Variants in TBC1D5 observed in about 807,000 individuals in gnomAD.
TBC1D5 encodes the protein TBC1 domain family, member 5.
Under a neutral mutation model 100.3 loss-of-function variants are expected in TBC1D5, and 75 were observed. The ratio of observed to expected loss-of-function variants is 0.75; its 90% CI spans 0.62 to 0.91. The LOEUF (loss-of-function observed/expected upper bound fraction) is 0.91, where lower values mean the gene tolerates loss of function less well. TBC1D5 is among the 40% of genes least tolerant of loss of function. The pLI is 0.00. For missense variants in TBC1D5, 910 were observed against 942.4 expected (o/e 0.97, Z 0.45); for synonymous variants, 323 against 325.6 (o/e 0.99, Z 0.09).
intron 13 of TBC1D5, among the ~76,000 whole-genome samples, chr3:17,315,837 T>C (rs1026577966): frequency 6.6e-5 from 10 of 152,104 alleles, no homozygotes; most frequent in Non-Finnish European, 1.5e-4. Flanking sequence ...GATAAAGCTT[T>C]ACGGTGTGGG....
At chr3:17,371,521 C>A (rs1214411366) in intron 13 of TBC1D5, among the ~76,000 whole-genome samples, 1 of 152,044 alleles carries the variant, frequency 6.6e-6, no homozygotes, top group East Asian at 1.9e-4. Flanking sequence ...TAAACCTGAG[C>A]CTTAACTTCT....
At chr3:17,676,281 T>C (rs2068620639) in intron 1 of TBC1D5, among the ~76,000 whole-genome samples, 1 of 151,976 alleles carries the variant, frequency 6.6e-6, no homozygotes, top group Non-Finnish European at 1.5e-5. Flanking sequence ...TTTTCATTCA[T>C]CTAAGAAATA....
At chr3:17,536,373 T>A (rs1261100762) in intron 2 of TBC1D5, among the ~76,000 whole-genome samples, 2 of 152,158 alleles carry the variant, frequency 1.3e-5, no homozygotes, top group African/African-American at 4.8e-5. Context: ...CATTTAAAAA[T>A]TTTTTTATTG....
intron 14 of TBC1D5, among the ~76,000 whole-genome samples, chr3:17,303,712 G>C (rs149103610): frequency 6.6e-6 from 1 of 151,644 alleles, no homozygotes; most frequent in South Asian, 2.1e-4. Flanking sequence ...TCTTTTCCTG[G>C]CTGTGCTTCC....
chr3:17,291,836 C>T lies in TBC1D5; in HGVS notation c.1245+59G>A, dbSNP rs2081776338. On this transcript the variant is annotated intron_variant, in intron 15 of 21. Transcript: ENST00000253692. Reference sequence around the variant, plus strand: ...ACATTTGGAATTCTTAGACTCTACACAGAGAAGCCTATTTTTCACCCAACT... The same window carrying T: ...ACATTTGGAATTCTTAGACTCTACATAGAGAAGCCTATTTTTCACCCAACT... The T allele has an allele frequency of 3.4e-6, 5 of 1,461,566 alleles. No homozygotes were observed. The African/African-American group carries it at 5.6e-5, about 16-fold the overall frequency. 90.5% of individuals were successfully genotyped at this position (1,461,566 alleles called of 1,614,324 possible).
intron 16 of TBC1D5, among the ~76,000 whole-genome samples, chr3:17,256,576 T>C (rs1323939814): frequency 6.6e-6 from 1 of 151,794 alleles, no homozygotes; most frequent in Non-Finnish European, 1.5e-5. Flanking sequence ...ATGGGTACAA[T>C]ACATTTCCTG....
intron 13 of TBC1D5, among the ~76,000 whole-genome samples, chr3:17,366,500 A>G (rs2092136699): frequency 6.6e-6 from 1 of 152,252 alleles, no homozygotes; most frequent in African/African-American, 2.4e-5. Flanking sequence ...GAAAAATAAT[A>G]ATTCTGGGAA....
intron 3 of TBC1D5, among the ~76,000 whole-genome samples, chr3:17,503,322 C>A (rs886391337): frequency 1.5e-4 from 22 of 149,534 alleles, no homozygotes; most frequent in Non-Finnish European, 1.5e-5. Context: ...CTTGATCCAC[C>A]ATTACCACAG....
intron 13 of TBC1D5, among the ~76,000 whole-genome samples, chr3:17,324,654 G>C (rs184854090): frequency 1.3e-5 from 2 of 151,852 alleles, no homozygotes; most frequent in African/African-American, 4.8e-5. Flanking sequence ...AAAAAAAAAT[G>C]AAAATGAAAA....
intron 2 of TBC1D5, among the ~76,000 whole-genome samples, chr3:17,608,891 A>C (rs1212170834): frequency 3.3e-5 from 5 of 152,222 alleles, no homozygotes; most frequent in African/African-American, 1.2e-4. Context: ...TTTACTTAAG[A>C]GTATCACTTT....
At chr3:17,222,994 G>C (rs2074453209) in intron 17 of TBC1D5, among the ~76,000 whole-genome samples, 1 of 151,924 alleles carries the variant, frequency 6.6e-6, no homozygotes, top group Non-Finnish European at 1.5e-5. Context: ...ATCGTAAGCA[G>C]TTATAGCTAT....
At position 17,493,825 on chromosome 3, in the gene TBC1D5, G is replaced by A. The variant is rs534032823; in HGVS notation, c.97+14649C>T. Among the ~76,000 whole-genome samples, 13 of 152,224 alleles carry A rather than the reference G, an allele frequency of 8.5e-5. No homozygotes were observed. In the East Asian group the frequency reaches 2.5e-3, roughly 29 times the overall value. On this transcript the variant is annotated intron_variant, in intron 3 of 21. Transcript: ENST00000253692. ...CTGGCTATTTTGGTTAACAACTCCT[G>A]TAATATTTTATCATAGTTCTTAGCT...
At chr3:17,698,709 C>T (rs1258437396) in intron 1 of TBC1D5, among the ~76,000 whole-genome samples, 5 of 150,010 alleles carry the variant, frequency 3.3e-5, no homozygotes, top group Admixed American at 6.7e-5. Context: ...AAAAAACAAA[C>T]AACCCCATCA....
chr3:17,268,765 C>T (rs913926502), intron 15 of TBC1D5, among the ~76,000 whole-genome samples: 1 of 152,120 alleles, frequency 6.6e-6, no homozygotes, highest in Non-Finnish European at 1.5e-5. Flanking sequence ...AAATTTTTCC[C>T]ATCCAACTTC....
intron 15 of TBC1D5, among the ~76,000 whole-genome samples, chr3:17,282,073 A>G (rs1469525315): frequency 1.3e-5 from 2 of 152,242 alleles, no homozygotes; most frequent in Non-Finnish European, 2.9e-5. Context: ...CAGCACTTAA[A>G]GCTGGAAATG....
intron 2 of TBC1D5, chr3:17,561,893 G>C (rs538433753): frequency 6.6e-6 from 1 of 152,144 alleles, no homozygotes; most frequent in Non-Finnish European, 1.5e-5. Context: ...TTAAAGATTA[G>C]AAAGTCTATT....
At chr3:17,557,634 T>C (rs1300379180) in intron 2 of TBC1D5, among the ~76,000 whole-genome samples, 2 of 152,230 alleles carry the variant, frequency 1.3e-5, no homozygotes, top group East Asian at 3.9e-4. Context: ...CACTGCTGCC[T>C]CAACCTCCCA....
rs531352514 is a variant in TBC1D5 at position 17,352,497 on chromosome 3, T to G, written c.995+19578A>C. Among the ~76,000 whole-genome samples the G allele has an allele frequency of 7.2e-5, 11 of 151,936 alleles. No homozygotes were observed. In the South Asian group the frequency reaches 2.3e-3, roughly 32 times the overall value. ...ACTCTATCCCACACTAGATTTGTTT[T>G]GGGTTCCTTTTATAGAGTTGACTGT... On this transcript the variant is annotated intron_variant, in intron 13 of 21. Coordinates refer to ENST00000253692, the Ensembl canonical transcript of TBC1D5.
intron 2 of TBC1D5, among the ~76,000 whole-genome samples, chr3:17,607,143 A>C (rs2061378137): frequency 6.6e-6 from 1 of 152,222 alleles, no homozygotes; most frequent in South Asian, 2.1e-4. Flanking sequence ...ATGACCATTT[A>C]CCAAAAATAA....
Sources: allele counts gnomAD v4.1 joint callset (sites outside exome capture counted in the v4.1 genomes callset), GRCh38; gene constraint gnomAD v4.1.1; transcripts MANE v1.5; gene names NCBI Gene and HGNC (gene_info 2026-07-23, HGNC 2026-07-21).